CTNND2: variants seen among roughly 807,000 people sequenced by gnomAD.
CTNND2 encodes the protein catenin delta 2.
Under a neutral mutation model 144.4 loss-of-function variants are expected in CTNND2, and 22 were observed. The observed-to-expected ratio is 0.15, with a 90% CI of 0.11 to 0.22. The LOEUF is 0.22. Ranked by LOEUF, CTNND2 falls within the 10% of genes least tolerant of loss-of-function variation. CTNND2 has a pLI of 1.00. For synonymous variants in CTNND2, 751 were observed against 695.6 expected (o/e 1.08, Z -1.25); for missense variants, 1,353 against 1,618.8 (o/e 0.84, Z 2.82).
chr5:11,711,260 C>T lies in CTNND2; in HGVS notation c.174+20876G>A, dbSNP rs180902812. On this transcript the variant is annotated intron_variant, in intron 2 of 21. Coordinates refer to ENST00000304623, the MANE Select transcript of CTNND2 (RefSeq NM_001332.4). ...TAGCAGAGACGGGGTTTCACCATGT[C>T]GGCCGGGCTGGTCTTGGAACTCCTG... Among the ~76,000 whole-genome samples the T allele has an allele frequency of 2.1e-3, 321 of 151,932 alleles. 3 individuals carry two copies. The Middle Eastern group carries it at 0.031, about 14-fold the overall frequency.
chr5:11,660,193 G>GA (rs1287759917), intron 2 of CTNND2, among the ~76,000 whole-genome samples: 1 of 152,096 alleles, frequency 6.6e-6, no homozygotes, highest in Non-Finnish European at 1.5e-5. Flanking sequence ...GACCAGGCAA[G>GA]AAGCTGCTAC....
intron 11 of CTNND2, among the ~76,000 whole-genome samples, chr5:11,160,812 GAACA>G (rs1432361886): frequency 3.9e-5 from 6 of 152,140 alleles, no homozygotes; most frequent in African/African-American, 1.4e-4. Context: ...GTTATGAATA[GAACA>G]AACAGAACAT....
chr5:11,426,647 A>T (rs1237904093), intron 3 of CTNND2, among the ~76,000 whole-genome samples: 1 of 152,190 alleles, frequency 6.6e-6, no homozygotes, highest in Non-Finnish European at 1.5e-5. Flanking sequence ...TAAATGTGTT[A>T]CGTTTATGAC....
chr5:11,627,120 T>C (rs920979917), intron 2 of CTNND2, among the ~76,000 whole-genome samples: 3 of 145,612 alleles, frequency 2.1e-5, no homozygotes, highest in African/African-American at 7.3e-5. Flanking sequence ...AAGACAGCTC[T>C]TTTGCCTTTT....
chr5:11,610,453 A>T (rs1581603709), intron 2 of CTNND2, among the ~76,000 whole-genome samples: 1 of 152,176 alleles, frequency 6.6e-6, no homozygotes, highest in African/African-American at 2.4e-5. Context: ...TTCAGTGGTG[A>T]GAAATTGAGG....
intron 5 of CTNND2, among the ~76,000 whole-genome samples, chr5:11,409,603 G>C (rs1217019509): frequency 3.3e-5 from 5 of 151,812 alleles, no homozygotes; most frequent in Admixed American, 6.6e-5. Context: ...CATTAGATTT[G>C]AGTATGAGCT....
chr5:11,659,313 A>G (rs913657770), intron 2 of CTNND2, among the ~76,000 whole-genome samples: 1 of 152,140 alleles, frequency 6.6e-6, no homozygotes, highest in Admixed American at 6.6e-5. Flanking sequence ...AAACTTGGGC[A>G]TCTGTGAATT....
chr5:11,546,823 T>C (rs1775275820), intron 3 of CTNND2, among the ~76,000 whole-genome samples: 1 of 152,108 alleles, frequency 6.6e-6, no homozygotes, highest in Non-Finnish European at 1.5e-5. Flanking sequence ...ACTACACATA[T>C]GTGAAAAATT....
At chr5:11,670,904 T>C (rs1783846441) in intron 2 of CTNND2, among the ~76,000 whole-genome samples, 1 of 152,210 alleles carries the variant, frequency 6.6e-6, no homozygotes, top group African/African-American at 2.4e-5. Context: ...GTTTTTGTAG[T>C]GGTTGGTACT....
At chr5:11,804,118 A>G (rs965376653) in intron 1 of CTNND2, among the ~76,000 whole-genome samples, 1 of 152,186 alleles carries the variant, frequency 6.6e-6, no homozygotes, top group Non-Finnish European at 1.5e-5. Context: ...GTTTCTGTTT[A>G]ACAGTATATT....
At chr5:11,772,239 T>C (rs985636728) in intron 1 of CTNND2, among the ~76,000 whole-genome samples, 16 of 152,364 alleles carry the variant, frequency 1.1e-4, no homozygotes, top group African/African-American at 3.8e-4. Flanking sequence ...CCTATGATTA[T>C]ATAAATACCC....
Position 11,412,013 on chromosome 5 carries a change from T to C in CTNND2, c.322+22A>G, listed in dbSNP as rs190405304. On this transcript the variant is annotated intron_variant, in intron 4 of 21. Transcript: ENST00000304623. ...GAGATATGTTTAGAAGTGTAAGTGT[T>C]CATCAATAAGATAGACATTACCTTG... 1.2e-4 allele frequency: 188 copies of C among 1,594,052 alleles called. 1 individual carries two copies. The East Asian group carries it at 3.9e-3, about 33-fold the overall frequency.
At chr5:11,552,448 T>C (rs13155772) in intron 3 of CTNND2, among the ~76,000 whole-genome samples, 11,387 of 152,310 alleles carry the variant, frequency 0.075, 657 homozygotes, top group East Asian at 0.28. Context: ...TCATCTGCTT[T>C]CCTTGAAAGT....
At chr5:11,801,271 A>T (rs923527509) in intron 1 of CTNND2, among the ~76,000 whole-genome samples, 2 of 152,200 alleles carry the variant, frequency 1.3e-5, no homozygotes, top group Non-Finnish European at 2.9e-5. Flanking sequence ...GAACAAATGT[A>T]ATAATGAGCA....
rs572491774 is a variant in CTNND2, at chr5:11,515,206, C to T, written c.287+49738G>A. Among the ~76,000 whole-genome samples the T allele has an allele frequency of 5.3e-5, 8 of 151,446 alleles. No individual in the cohort carries two copies. The South Asian group carries it at 1.3e-3, about 24-fold the overall frequency. Reference sequence around the variant, plus strand: ...AGACTCTGAGTGTGTATTTTCTCAACGGGGGTAATACTTCAGTGATTCTCC... The same window carrying T: ...AGACTCTGAGTGTGTATTTTCTCAATGGGGGTAATACTTCAGTGATTCTCC... On this transcript the variant is annotated intron_variant, in intron 3 of 21. Transcript: ENST00000304623.
intron 3 of CTNND2, among the ~76,000 whole-genome samples, chr5:11,535,062 C>T (rs2150060647): frequency 6.6e-6 from 1 of 152,050 alleles, no homozygotes; most frequent in East Asian, 1.9e-4. Flanking sequence ...GTGGCGGATG[C>T]CTGTAATCCC....
At chr5:11,424,618 G>A (rs1762628680) in intron 3 of CTNND2, among the ~76,000 whole-genome samples, 2 of 152,000 alleles carry the variant, frequency 1.3e-5, no homozygotes, top group South Asian at 4.1e-4. Context: ...GTGTGTGTGT[G>A]TGTATGTTTG....
chr5:11,260,822 T>C (rs186797973), intron 9 of CTNND2, among the ~76,000 whole-genome samples: 69 of 152,320 alleles, frequency 4.5e-4, no homozygotes, highest in African/African-American at 1.4e-3. Flanking sequence ...AACCATCTTA[T>C]TGGCAATCAT....
At chr5:11,786,922 G>A (rs1790868761) in intron 1 of CTNND2, among the ~76,000 whole-genome samples, 1 of 152,190 alleles carries the variant, frequency 6.6e-6, no homozygotes, top group Non-Finnish European at 1.5e-5. Context: ...ATATGAAAAT[G>A]TCAGAGGAAG....
Sources: gnomAD v4.1 joint callset for allele counts (sites outside exome capture counted in the v4.1 genomes callset) on GRCh38, gnomAD v4.1.1 for gene constraint, MANE v1.5 for transcripts, NCBI Gene and HGNC (gene_info 2026-07-23, HGNC 2026-07-21) for gene names.